The following COL23A1 variants were observed in gnomAD, a reference collection of about 807,000 sequenced individuals.
The protein encoded by COL23A1 is collagen alpha-1(XXIII) chain.
Under a neutral mutation model 99.3 loss-of-function variants are expected in COL23A1, and 97 were observed. That is an observed-to-expected ratio of 0.98 (90% confidence interval 0.83 to 1.16). The LOEUF (loss-of-function observed/expected upper bound fraction) is 1.16. Among genes scored for constraint, COL23A1 ranks in the 50% most tolerant of loss-of-function variants. The pLI is 0.00. For synonymous variants in COL23A1, 320 were observed against 308.2 expected (o/e 1.04, Z -0.40); for missense variants, 762 against 757.4 (o/e 1.01, Z -0.07).
chr5:178,435,054 C>T (rs764908249), intron 2 of COL23A1, among the ~76,000 whole-genome samples: 6 of 152,196 alleles, frequency 3.9e-5, no homozygotes, highest in Admixed American at 6.5e-5. Context: ...CCCAGCGGGG[C>T]GAGCAATAAT....
chr5:178,547,658 T>C (rs1317188800), intron 2 of COL23A1, among the ~76,000 whole-genome samples: 1 of 4,090 alleles, frequency 2.4e-4, no homozygotes, highest in Non-Finnish European at 4.0e-4. Context: ...ACACCCCCCA[T>C]ACACACCCCC....
chr5:178,546,989 G>C (rs538876557), intron 2 of COL23A1, among the ~76,000 whole-genome samples: 22 of 152,322 alleles, frequency 1.4e-4, no homozygotes, highest in African/African-American at 5.3e-4. Context: ...CTCGCATGCA[G>C]AGTGGCCTTC....
intron 2 of COL23A1, among the ~76,000 whole-genome samples, chr5:178,394,726 C>G (rs1001874092): frequency 1.3e-4 from 20 of 152,184 alleles, no homozygotes; most frequent in African/African-American, 4.8e-4. Context: ...AACTGAGGCC[C>G]AGAGAGATGG....
At chr5:178,359,243 G>T (rs1581226367) in intron 2 of COL23A1, among the ~76,000 whole-genome samples, 1 of 152,228 alleles carries the variant, frequency 6.6e-6, no homozygotes, top group Non-Finnish European at 1.5e-5. Flanking sequence ...AGTGAAGGGG[G>T]CTGGGTGCAG....
At chr5:178,392,118 ATTT>A (rs57353104) in intron 2 of COL23A1, among the ~76,000 whole-genome samples, 41,748 of 137,000 alleles carry the variant, frequency 0.3, 6,734 homozygotes, top group South Asian at 0.48. Flanking sequence ...AGTGTCTGCT[ATTT>A]TTTTTTTTTT....
chr5:178,527,406 G>A (rs542957622), intron 2 of COL23A1, among the ~76,000 whole-genome samples: 4 of 152,074 alleles, frequency 2.6e-5, no homozygotes, highest in South Asian at 2.1e-4. Flanking sequence ...TGAGATCAGC[G>A]GTTGACCCCC....
intron 2 of COL23A1, among the ~76,000 whole-genome samples, chr5:178,315,665 C>T (rs932304228): frequency 8.6e-5 from 13 of 151,784 alleles, no homozygotes; most frequent in East Asian, 3.9e-4. Context: ...TCACGGTCTC[C>T]GGATCAGACT....
At chr5:178,442,748 C>T (rs1766944497) in intron 2 of COL23A1, among the ~76,000 whole-genome samples, 1 of 152,222 alleles carries the variant, frequency 6.6e-6, no homozygotes, top group South Asian at 2.1e-4. Context: ...GCACAGGCGC[C>T]AAGACCTGAC....
intron 2 of COL23A1, among the ~76,000 whole-genome samples, chr5:178,483,389 C>T (rs557914903): frequency 5.9e-5 from 9 of 152,162 alleles, no homozygotes; most frequent in Admixed American, 4.6e-4. Flanking sequence ...GTCAGAATTC[C>T]GCTCCAAGAA....
Position 178,261,763 on chromosome 5 carries a change from G to T in COL23A1, c.676-15C>A. On this transcript the variant is annotated splice_polypyrimidine_tract_variant and intron_variant, in intron 10 of 28. Transcript: ENST00000390654. ...CCCTTTGGGCCCTGGAACAAGAGAA[G>T]AGAAGGTGTTAAATGTCATACTGGA... 3 of 1,602,672 alleles carry T rather than the reference G, an allele frequency of 1.9e-6. No homozygotes were observed. Among genetic ancestry groups the T allele is most frequent in the Non-Finnish European group, 2.6e-6 (3 of 1,169,398 alleles).
intron 2 of COL23A1, among the ~76,000 whole-genome samples, chr5:178,504,385 G>A (rs1758746750): frequency 6.6e-6 from 1 of 152,180 alleles, no homozygotes; most frequent in South Asian, 2.1e-4. Context: ...CTGGCCTGGG[G>A]GTCAAGAGGC....
chr5:178,261,646 C>G, intron 11 of COL23A1, 76 bp downstream of exon 11: 1 of 1,016,282 alleles, frequency 9.8e-7, no homozygotes, highest in Non-Finnish European at 1.6e-6. Flanking sequence ...GGGGAAGAGA[C>G]AGGAAGTGGA....
chr5:178,372,486 G>A (rs1423438996), intron 2 of COL23A1, among the ~76,000 whole-genome samples: 2 of 152,248 alleles, frequency 1.3e-5, no homozygotes, highest in East Asian at 3.8e-4. Context: ...CCAAAGCAGC[G>A]TCCACAGGAA....
At chr5:178,351,187 A>G (rs528573035) in intron 2 of COL23A1, 1 of 152,534 alleles carries the variant, frequency 6.6e-6, no homozygotes, top group East Asian at 1.9e-4. Flanking sequence ...TGCAGCTGCA[A>G]CTGGCTCTGG....
At chr5:178,249,304 C>G (rs1764885543) in intron 18 of COL23A1, 98 bp from the exon 19 acceptor site, 18 of 1,210,300 alleles carry the variant, frequency 1.5e-5, no homozygotes, top group South Asian at 4.9e-5. Context: ...TAGGGCCCCA[C>G]TTTCTCTTTG....
At chr5:178,403,121 AATAAAT>A (rs1439604202) in intron 2 of COL23A1, among the ~76,000 whole-genome samples, 1 of 74,146 alleles carries the variant, frequency 1.3e-5, no homozygotes, top group African/African-American at 6.2e-5. Context: ...AAAAAAAAAA[AATAAAT>A]AAATAAAAAA....
chr5:178,519,859 T>C (rs1187800920), intron 2 of COL23A1, among the ~76,000 whole-genome samples: 1 of 152,008 alleles, frequency 6.6e-6, no homozygotes, highest in East Asian at 1.9e-4. Context: ...GATAGAGAGT[T>C]GGGTGAATAG....
At chr5:178,410,937 A>T (rs1483258295) in intron 2 of COL23A1, among the ~76,000 whole-genome samples, 2 of 152,210 alleles carry the variant, frequency 1.3e-5, no homozygotes, top group Non-Finnish European at 2.9e-5. Context: ...AACGCTTACA[A>T]CTCAACAATA....
intron 2 of COL23A1, among the ~76,000 whole-genome samples, chr5:178,360,507 G>A (rs1007800709): frequency 2.6e-5 from 4 of 152,150 alleles, no homozygotes; most frequent in African/African-American, 9.7e-5. Flanking sequence ...GTGCCTAGGG[G>A]CCTGCCCGGC....
Sources: gnomAD v4.1 joint callset for allele counts (sites outside exome capture counted in the v4.1 genomes callset) on GRCh38, gnomAD v4.1.1 for gene constraint, MANE v1.5 for transcripts, NCBI Gene and HGNC (gene_info 2026-07-23, HGNC 2026-07-21) for gene names.